The following CDH22 variants were observed in gnomAD, a reference collection of about 807,000 sequenced individuals.
The protein encoded by CDH22 is cadherin 22.
A neutral mutation model predicts 58.4 loss-of-function variants in CDH22; 30 were observed. The observed-to-expected ratio is 0.51, with a 90% CI of 0.38 to 0.70. The LOEUF (loss-of-function observed/expected upper bound fraction) is 0.70, where lower values mean the gene tolerates loss of function less well. Among genes scored for constraint, CDH22 ranks in the 30% least tolerant of loss-of-function variants. CDH22 has a pLI of 0.00. For synonymous variants in CDH22, 513 were observed against 558.2 expected, an observed-to-expected ratio of 0.92 and a Z score of 1.14; for missense variants, 1,014 against 1,233.9, an observed-to-expected ratio of 0.82 and a Z score of 2.67.
At chr20:46,187,269 C>G (rs2085833422) in intron 8 of CDH22, among the ~76,000 whole-genome samples, 1 of 152,024 alleles carries the variant, frequency 6.6e-6, no homozygotes. Context: ...ACCATCCCAT[C>G]TCCACCATGG....
chr20:46,296,998 G>A (rs992416340), intron 1 of CDH22, among the ~76,000 whole-genome samples: 10 of 152,148 alleles, frequency 6.6e-5, no homozygotes, highest in African/African-American at 1.4e-4. Flanking sequence ...GGCAGGCTGC[G>A]GGGAGGGTCT....
chr20:46,204,316 C>A (rs2085982411), intron 7 of CDH22, among the ~76,000 whole-genome samples: 1 of 149,384 alleles, frequency 6.7e-6, no homozygotes, highest in South Asian at 2.1e-4. Context: ...ATTGCATGAA[C>A]CCGGGAGGCA....
At chr20:46,274,504 G>A (rs557577238) in intron 1 of CDH22, among the ~76,000 whole-genome samples, 4 of 152,158 alleles carry the variant, frequency 2.6e-5, no homozygotes, top group Non-Finnish European at 4.4e-5. Flanking sequence ...GCAGTCATTT[G>A]GAAAACAGTT....
In CDH22 at chr20:46,174,871, C is replaced by T. The variant is rs1600681264; in HGVS notation, c.2122G>A (p.Gly708Arg). ...CCGCCCGAGCCCCCGCCCGCTCCCC[C>T]GCCCGCGCTGCCGCCCCCGTCGCCG... ...KGGDGGGSAG[G>R]GAGGGSGGGA... is the part of the protein sequence containing the mutation. Residue 708 changes from glycine (G) to arginine (R), a missense_variant, in exon 12 of 12, where the codon GGG (glycine) becomes AGG (arginine). This residue lies in a region of CDH22 where 208 missense variants were observed against 195.2 expected (regional missense o/e 1.07). Coordinates refer to ENST00000537909, the MANE Select transcript of CDH22 (RefSeq NM_021248.3). The surrounding 1 kb of genome is among the most constrained non-coding windows in gnomAD (Gnocchi z 4.4). The T allele has an allele frequency of 1.5e-6, 2 of 1,350,728 alleles. No homozygotes were observed. Among genetic ancestry groups the T allele is most frequent in the Admixed American group, 2.8e-5 (1 of 35,494 alleles). The allele number at this position is 1,350,728 out of a possible 1,614,324, so 83.7% of individuals were successfully genotyped here. A position where few individuals can be genotyped will look rare whatever the true frequency, so the allele number is the denominator to read the frequency against.
chr20:46,284,154 G>A (rs2086564172), intron 1 of CDH22, among the ~76,000 whole-genome samples: 1 of 151,944 alleles, frequency 6.6e-6, no homozygotes, highest in African/African-American at 2.4e-5. Flanking sequence ...ACACCGAGAG[G>A]GGGCTGGCTG....
chr20:46,204,784 G>A (rs1045688441), intron 7 of CDH22, among the ~76,000 whole-genome samples: 1 of 152,194 alleles, frequency 6.6e-6, no homozygotes, highest in Non-Finnish European at 1.5e-5. Context: ...AAATGCTGCT[G>A]TTGTCAAGGT....
At chr20:46,222,945 G>A (rs1032290704) in intron 4 of CDH22, among the ~76,000 whole-genome samples, 4 of 152,228 alleles carry the variant, frequency 2.6e-5, no homozygotes, top group Non-Finnish European at 4.4e-5. Flanking sequence ...ATATAGACCC[G>A]CATCAGCAGA....
intron 7 of CDH22, among the ~76,000 whole-genome samples, chr20:46,206,851 A>G (rs1490433038): frequency 6.6e-6 from 1 of 152,206 alleles, no homozygotes; most frequent in Non-Finnish European, 1.5e-5. Context: ...AGTGCCGGGC[A>G]CAACTCAATG....
chr20:46,242,896 T>G (rs538748145), intron 2 of CDH22, among the ~76,000 whole-genome samples: 1 of 152,334 alleles, frequency 6.6e-6, no homozygotes, highest in South Asian at 2.1e-4. Flanking sequence ...AGGCTCCAGA[T>G]TCCAGGCTGT....
intron 1 of CDH22, among the ~76,000 whole-genome samples, chr20:46,255,854 C>T (rs551734803): frequency 3.0e-4 from 46 of 152,276 alleles, no homozygotes; most frequent in African/African-American, 1.1e-3. Context: ...CTCCTGGGAC[C>T]GCCTCCCATG....
At chr20:46,181,239 A>G (rs1290345685) in intron 10 of CDH22, among the ~76,000 whole-genome samples, 1 of 152,202 alleles carries the variant, frequency 6.6e-6, no homozygotes, top group Non-Finnish European at 1.5e-5. Context: ...TTAGTCTACA[A>G]TTACAAACCA....
At chr20:46,276,765 G>A (rs1376308179) in intron 1 of CDH22, among the ~76,000 whole-genome samples, 1 of 152,226 alleles carries the variant, frequency 6.6e-6, no homozygotes, top group East Asian at 1.9e-4. Flanking sequence ...GGGGAGATGG[G>A]TGTGGGCAGG....
At chr20:46,252,524 C>A (rs1412081447) in intron 1 of CDH22, among the ~76,000 whole-genome samples, 1 of 152,248 alleles carries the variant, frequency 6.6e-6, no homozygotes, top group Non-Finnish European at 1.5e-5. Flanking sequence ...CCTACTCAAG[C>A]CATAAGATGA....
chr20:46,227,418 G>A, intron 4 of CDH22, 90 bp downstream of exon 4: 1 of 1,253,166 alleles, frequency 8.0e-7, no homozygotes, highest in Non-Finnish European at 1.1e-6. Flanking sequence ...GGGACAGAAG[G>A]CTCAGAGCAG....
At chr20:46,306,338 C>A (rs922119460) in intron 1 of CDH22, among the ~76,000 whole-genome samples, 3 of 152,226 alleles carry the variant, frequency 2.0e-5, no homozygotes, top group Non-Finnish European at 2.9e-5. Context: ...TGTTGCCAAT[C>A]CTTGAAAATG....
rs142053118 is a variant in CDH22 at position 46,229,749 on chromosome 20, G to A, written c.551-2122C>T. ...GCCTCCCTCACAGAGGTGCTGAAAT[G>A]GGAGAAGATACATAAAGCATCAGGC... is the stretch of plus-strand genomic sequence containing the variant. On this transcript the variant is annotated intron_variant, in intron 3 of 11. Coordinates refer to ENST00000537909, the MANE Select transcript of CDH22 (RefSeq NM_021248.3). 5.1e-3 allele frequency among the ~76,000 whole-genome samples: 774 copies of A among 152,282 alleles called. 4 individuals carry two copies. The highest frequency in any genetic ancestry group is 0.018 in the African/African-American group (740 of 41,542).
At chr20:46,236,745 G>A (rs1456846319) in intron 3 of CDH22, among the ~76,000 whole-genome samples, 1 of 151,414 alleles carries the variant, frequency 6.6e-6, no homozygotes, top group Non-Finnish European at 1.5e-5. Context: ...AGGCTGGAGT[G>A]CAGTGGCATG....
chr20:46,299,898 G>C (rs1317546795), intron 1 of CDH22, among the ~76,000 whole-genome samples: 5 of 152,192 alleles, frequency 3.3e-5, no homozygotes, highest in African/African-American at 1.2e-4. Context: ...CGCTGTTGGA[G>C]TGGGGTGGAC....
chr20:46,199,785 A>G (rs76481925), intron 7 of CDH22, among the ~76,000 whole-genome samples: 221 of 152,218 alleles, frequency 1.5e-3, no homozygotes, highest in Middle Eastern at 3.4e-3. Context: ...TCTGAGCCTC[A>G]GTTTCCTCAG....
Sources: gnomAD v4.1 joint callset for allele counts (sites outside exome capture counted in the v4.1 genomes callset) on GRCh38, gnomAD v4.1.1 for gene constraint, gnomAD v4.1.1 regional missense constraint, Gnocchi (gnomAD v3.1) non-coding constraint, MANE v1.5 for transcripts, NCBI Gene and HGNC (gene_info 2026-07-23, HGNC 2026-07-21) for gene names.